Variants in JKAMP observed in about 807,000 individuals in gnomAD.
JKAMP encodes the protein JNK1/MAPK8 associated membrane protein, also known as JNK1/MAPK8-associated membrane protein.
A neutral mutation model predicts 40.2 loss-of-function variants in JKAMP; 20 were observed. The observed-to-expected ratio is 0.50, with a 90% CI of 0.35 to 0.72. JKAMP has a LOEUF of 0.72. Among genes scored for constraint, JKAMP ranks in the 30% least tolerant of loss-of-function variants. The pLI, the probability that JKAMP is intolerant of heterozygous loss-of-function variation, is 0.01. For synonymous variants in JKAMP, 138 were observed against 131.6 expected, an observed-to-expected ratio of 1.05 and a Z score of -0.33; for missense variants, 276 against 373.0, an observed-to-expected ratio of 0.74 and a Z score of 2.14.
intron 1 of JKAMP, chr14:59,484,863 A>T: frequency 8.6e-7 from 1 of 1,157,926 alleles, no homozygotes; most frequent in Non-Finnish European, 1.2e-6. Context: ...CCCTTAGTTT[A>T]ATGTCGAGGG....
rs765664890 is a variant in JKAMP at position 59,503,889 on chromosome 14, T to C, written c.753T>C (p.Leu251=). ...ATCTTCTGGTCAGAAAGAAAAGACT[T>C]ATTGTTCTCTTCAGCCACTGGTTAC... The part of the protein sequence containing the change: ...CYDLLVRKKR[L]IVLFSHWLLH... Residue 251 remains leucine, a synonymous_variant, in exon 7 of 7, where the codon CTT becomes CTC. Transcript: ENST00000616435. 6.2e-7 allele frequency: 1 copy of C among 1,612,804 alleles called. No individual in the cohort carries two copies. The highest frequency in any genetic ancestry group is 1.7e-5 in the Admixed American group (1 of 60,016).
intron 5 of JKAMP, among the ~76,000 whole-genome samples, chr14:59,499,847 A>G (rs1291417110): frequency 2.6e-5 from 4 of 152,226 alleles, no homozygotes; most frequent in African/African-American, 9.6e-5. Flanking sequence ...TTGAAAATCT[A>G]TAGTTCCCTC....
intron 6 of JKAMP, 25 bp downstream of exon 6, chr14:59,501,292 T>G: frequency 7.0e-7 from 1 of 1,420,322 alleles, no homozygotes. Flanking sequence ...TTTCCTTTGT[T>G]AAAGACTTTT....
chr14:59,490,153 C>T (rs771419255), intron 3 of JKAMP, among the ~76,000 whole-genome samples: 32 of 152,176 alleles, frequency 2.1e-4, no homozygotes, highest in African/African-American at 5.8e-4. Context: ...ATCTCCTGGG[C>T]GCAAGCAGTC....
intron 3 of JKAMP, 125 bp downstream of exon 3, chr14:59,487,953 C>G: frequency 1.1e-6 from 1 of 903,898 alleles, no homozygotes; most frequent in Non-Finnish European, 1.7e-6. Context: ...TCTTTATCTT[C>G]AGATTATTCT....
chr14:59,486,868 C>A, intron 2 of JKAMP, 64 bp downstream of exon 2: 1 of 1,124,164 alleles, frequency 8.9e-7, no homozygotes, highest in Non-Finnish European at 1.3e-6. Flanking sequence ...AATATTTTCA[C>A]ATACAACATT....
Position 59,484,541 on chromosome 14 carries a change from G to A in JKAMP, c.-49G>A, listed in dbSNP as rs747184134. 9.0e-6 allele frequency: 14 copies of A among 1,561,676 alleles called. No homozygotes were observed. The highest frequency in any genetic ancestry group is 1.2e-5 in the Non-Finnish European group (14 of 1,152,980). On this transcript the variant is annotated 5_prime_UTR_variant, in exon 1 of 7. Coordinates refer to ENST00000616435, the MANE Select transcript of JKAMP (RefSeq NM_016475.5). ...TGTGGCCCGGATGTTCGGTGCAGCTGCCAGATCCGCTGATCTAGTGCTTCT... is the reference window on the plus strand; with the variant it reads ...TGTGGCCCGGATGTTCGGTGCAGCTACCAGATCCGCTGATCTAGTGCTTCT...
At chr14:59,499,323 C>G (rs1215974856) in intron 5 of JKAMP, among the ~76,000 whole-genome samples, 4 of 151,890 alleles carry the variant, frequency 2.6e-5, no homozygotes, top group African/African-American at 4.8e-5. Flanking sequence ...TTTTAAAAAT[C>G]TAAGTATGTA....
At chr14:59,496,980 A>T (rs1369818085) in intron 4 of JKAMP, among the ~76,000 whole-genome samples, 2 of 151,672 alleles carry the variant, frequency 1.3e-5, no homozygotes, top group Non-Finnish European at 2.9e-5. Flanking sequence ...TTGTAGGGCT[A>T]CCACAAGTCA....
rs1335185288 is a variant in JKAMP at position 59,504,273 on chromosome 14, C to G, written c.*201C>G. The G allele has an allele frequency of 3.5e-6, 2 of 578,338 alleles. No individual in the cohort carries two copies. Among genetic ancestry groups the G allele is most frequent in the Non-Finnish European group, 6.1e-6 (2 of 326,870 alleles). 35.8% of individuals were successfully genotyped at this position (578,338 alleles called of 1,614,324 possible). A position where few individuals can be genotyped will look rare whatever the true frequency, so the allele number is the denominator to read the frequency against. On this transcript the variant is annotated 3_prime_UTR_variant, in exon 7 of 7. Coordinates refer to ENST00000616435, the MANE Select transcript of JKAMP (RefSeq NM_016475.5). ...CAAAACTCTGTAATACTCTGTTACACAGGGTAATATTATCTGCTACACTGG... is the reference window on the plus strand; with the variant it reads ...CAAAACTCTGTAATACTCTGTTACAGAGGGTAATATTATCTGCTACACTGG...
intron 6 of JKAMP, 125 bp from the exon 7 acceptor site, chr14:59,503,729 G>T: frequency 1.6e-6 from 1 of 625,590 alleles, no homozygotes; most frequent in Non-Finnish European, 2.6e-6. Flanking sequence ...GTCTTTTTTA[G>T]CTCAAACATT....
Position 59,504,222 on chromosome 14 carries a change from G to T in JKAMP, c.*150G>T. 1.6e-6 allele frequency: 1 copy of T among 619,324 alleles called. No individual in the cohort carries two copies. Among genetic ancestry groups the T allele is most frequent in the Non-Finnish European group, 2.8e-6 (1 of 353,998 alleles). The allele number at this position is 619,324 out of a possible 1,614,324, so 38.4% of individuals were successfully genotyped here. On this transcript the variant is annotated 3_prime_UTR_variant, in exon 7 of 7. Transcript: ENST00000616435. ...TTGGGTTTGTCTTTGTTTTGTTTAT[G>T]GTTAGACTTACAGACTTGGAAAATG...
At chr14:59,484,759 G>C in intron 1 of JKAMP, 166 bp downstream of exon 1, 1 of 987,484 alleles carries the variant, frequency 1.0e-6, no homozygotes, top group Non-Finnish European at 1.5e-6. Flanking sequence ...CTGCGGGGTT[G>C]GGGTGGTCTG....
Position 59,503,853 on chromosome 14 carries a change from G to C in JKAMP, c.718-1G>C. Reference sequence around the variant, plus strand: ...TTTCTTTCTTTTACAAAATTATATAGAACTGCTATGATCTTCTGGTCAGAA... The same window carrying C: ...TTTCTTTCTTTTACAAAATTATATACAACTGCTATGATCTTCTGGTCAGAA... On this transcript the variant is annotated splice_acceptor_variant, in intron 6 of 6. Transcript: ENST00000616435. LOFTEE classifies it high-confidence loss of function. The C allele has an allele frequency of 6.3e-7, 1 of 1,596,524 alleles. No individual in the cohort carries two copies. Among genetic ancestry groups the C allele is most frequent in the Non-Finnish European group, 8.6e-7 (1 of 1,164,574 alleles).
chr14:59,503,718 A>G (rs183539127), intron 6 of JKAMP, 136 bp from the exon 7 acceptor site: 178 of 609,924 alleles, frequency 2.9e-4, no homozygotes, highest in African/African-American at 2.9e-3. Context: ...TGATTTCTTA[A>G]GTCTTTTTTA....
intron 1 of JKAMP, chr14:59,484,851 G>A (rs1890405126): frequency 9.2e-7 from 1 of 1,088,346 alleles, no homozygotes; most frequent in Admixed American, 2.9e-5. Context: ...TGTCTCTTCA[G>A]TCCCTTAGTT....
chr14:59,500,457 G>A (rs1445001876), intron 5 of JKAMP, among the ~76,000 whole-genome samples: 3 of 152,146 alleles, frequency 2.0e-5, no homozygotes, highest in African/African-American at 7.2e-5. Context: ...GAGAAAAGTG[G>A]TGTTTTAGAG....
intron 1 of JKAMP, 29 bp from the exon 2 acceptor site, chr14:59,486,684 T>C: frequency 4.2e-6 from 6 of 1,429,168 alleles, no homozygotes; most frequent in Non-Finnish European, 5.8e-6. Flanking sequence ...ACAAAAGATG[T>C]TACTATACTG....
rs748020187 is a variant in JKAMP, at chr14:59,484,580, C to G, written c.-10C>G. On this transcript the variant is annotated 5_prime_UTR_variant, in exon 1 of 7. Coordinates refer to ENST00000616435, the MANE Select transcript of JKAMP (RefSeq NM_016475.5). ...TCTAGTGCTTCTCGAAAAAAACCTT[C>G]AGGCGGCCCATGGGTGAGTGGTCGC... 2 of 1,575,674 alleles carry G rather than the reference C, an allele frequency of 1.3e-6. No homozygotes were observed. The highest frequency in any genetic ancestry group is 1.7e-6 in the Non-Finnish European group (2 of 1,160,894).
Sources: allele counts gnomAD v4.1 joint callset (sites outside exome capture counted in the v4.1 genomes callset), GRCh38; gene constraint gnomAD v4.1.1; transcripts MANE v1.5; gene names NCBI Gene and HGNC (gene_info 2026-07-23, HGNC 2026-07-21).